The following PDE10A variants were observed in gnomAD, a reference collection of about 807,000 sequenced individuals.
The protein encoded by PDE10A is cAMP and cAMP-inhibited cGMP 3',5'-cyclic phosphodiesterase 10A.
Under a neutral mutation model 97.7 loss-of-function variants are expected in PDE10A, and 39 were observed. The ratio of observed to expected loss-of-function variants is 0.40; its 90% CI spans 0.31 to 0.52. The LOEUF (loss-of-function observed/expected upper bound fraction) is 0.52. Ranked by LOEUF, PDE10A falls within the 20% of genes least tolerant of loss-of-function variation. The pLI, the probability that PDE10A is intolerant of heterozygous loss-of-function variation, is 0.56. For missense variants in PDE10A, 731 were observed against 1,047.8 expected (o/e 0.70, Z 4.17); for synonymous variants, 371 against 376.8 (o/e 0.98, Z 0.18).
At chr6:165,341,544 T>C (rs145310129) in intron 19 of PDE10A, among the ~76,000 whole-genome samples, 1,994 of 152,310 alleles carry the variant, frequency 0.013, 47 homozygotes, top group African/African-American at 0.045. Context: ...TTTGCTCCTG[T>C]TGTCATAGCT....
rs1562687327 is a variant in PDE10A, at chr6:165,691,203, C to CACACACACACACACA, written c.-614-147636_-614-147635insTGTGTGTGTGTGTGT. ...TCTCTCTCTCCCTCTCTCTCTCTCC[C>CACACACACACACACA]CACACACACACACACACACACACAC... On this transcript the variant is annotated intron_variant, in intron 1 of 19. Transcript: ENST00000366882. Among the ~76,000 whole-genome samples the CACACACACACACACA allele has an allele frequency of 3.3e-4, 36 of 108,658 alleles. 3 individuals are homozygous for CACACACACACACACA. The highest frequency in any genetic ancestry group is 1.6e-3 in the African/African-American group (35 of 22,230). The allele number at this position is 108,658 out of a possible 152,430, so 71.3% of individuals were successfully genotyped here.
At chr6:165,975,798 G>A (rs1784828753) in intron 1 of PDE10A, among the ~76,000 whole-genome samples, 2 of 152,308 alleles carry the variant, frequency 1.3e-5, no homozygotes, top group South Asian at 4.1e-4. Flanking sequence ...GAAATATTTG[G>A]TAGTAGGGAC....
chr6:165,501,098 C>T (rs1210253094), intron 2 of PDE10A, among the ~76,000 whole-genome samples: 1 of 152,136 alleles, frequency 6.6e-6, no homozygotes, highest in Non-Finnish European at 1.5e-5. Context: ...AGACCATTGC[C>T]GGCTCGGGTC....
chr6:165,602,387 C>T (rs1787001565), intron 1 of PDE10A, among the ~76,000 whole-genome samples: 1 of 152,188 alleles, frequency 6.6e-6, no homozygotes, highest in African/African-American at 2.4e-5. Context: ...TCCCTTCGGT[C>T]TCTCTCGGGG....
chr6:165,568,028 T>C (rs1784866471), intron 1 of PDE10A, among the ~76,000 whole-genome samples: 1 of 132,284 alleles, frequency 7.6e-6, no homozygotes, highest in Non-Finnish European at 1.5e-5. Context: ...AGACGGAGTC[T>C]CGCTCTGTCG....
intron 15 of PDE10A, among the ~76,000 whole-genome samples, chr6:165,394,965 A>G (rs1199331991): frequency 2.0e-5 from 3 of 152,150 alleles, no homozygotes; most frequent in Non-Finnish European, 4.4e-5. Context: ...GGCTACAACC[A>G]TGTTGCTAGA....
In PDE10A at chr6:165,882,828, G is replaced by A. The variant is rs1583229745; in HGVS notation, c.-615+104701C>T. On this transcript the variant is annotated intron_variant, in intron 1 of 19. Transcript: ENST00000366882. Reference sequence around the variant, plus strand: ...TGGCTATGAAACAATTTCCCAGTGTGTTTCCAGGGCCTCTAGAATTTTTTG... The same window carrying A: ...TGGCTATGAAACAATTTCCCAGTGTATTTCCAGGGCCTCTAGAATTTTTTG... Among the ~76,000 whole-genome samples, 4 of 151,256 alleles carry A rather than the reference G, an allele frequency of 2.6e-5. No homozygotes were observed. The South Asian group carries it at 8.4e-4, about 32-fold the overall frequency.
rs1781267270 is a variant in PDE10A, at chr6:165,330,214, T to C, written c.*2811A>G. On this transcript the variant is annotated 3_prime_UTR_variant, in exon 22 of 22. Coordinates refer to ENST00000539869, the MANE Select transcript of PDE10A (RefSeq NM_001385079.1). ...TGCTCATAGCGGGTTACTAAATTTA[T>C]ACTGGGTGGAAAATTTGGCACAATA... 6.6e-6 allele frequency: 1 copy of C among 152,204 alleles called. No homozygotes were observed. The highest frequency in any genetic ancestry group is 6.5e-5 in the Admixed American group (1 of 15,276). The allele number at this position is 152,204 out of a possible 1,614,324, so 9.4% of individuals were successfully genotyped here.
intron 1 of PDE10A, among the ~76,000 whole-genome samples, chr6:165,779,049 C>T (rs569791780): frequency 6.2e-4 from 95 of 152,234 alleles, no homozygotes; most frequent in African/African-American, 2.1e-3. Flanking sequence ...ACGATAATTT[C>T]TTTTATGGGT....
chr6:165,591,423 G>T (rs1250243672), intron 1 of PDE10A, among the ~76,000 whole-genome samples: 1 of 152,206 alleles, frequency 6.6e-6, no homozygotes, highest in Non-Finnish European at 1.5e-5. Context: ...TAAATTATTT[G>T]TTGGCTTTGC....
At chr6:165,623,881 T>C (rs536671565) in intron 1 of PDE10A, among the ~76,000 whole-genome samples, 2 of 152,316 alleles carry the variant, frequency 1.3e-5, no homozygotes, top group African/African-American at 2.4e-5. Flanking sequence ...ACTCTGAAAG[T>C]CCTCCTTTCT....
At position 165,441,895 on chromosome 6, in the gene PDE10A, A is replaced by C. The variant is rs190420032; in HGVS notation, c.1195-6518T>G. 5.8e-3 allele frequency among the ~76,000 whole-genome samples: 885 copies of C among 152,290 alleles called. 1 individual carries two copies. The highest frequency in any genetic ancestry group is 0.01 in the Non-Finnish European group (711 of 68,022). ...CTGGACTAATAAGTTTTCTATTATCATTTGTATTTAATAGGATAATTTATA... is the reference window on the plus strand; with the variant it reads ...CTGGACTAATAAGTTTTCTATTATCCTTTGTATTTAATAGGATAATTTATA... On this transcript the variant is annotated intron_variant, in intron 5 of 21. Coordinates refer to ENST00000539869, the MANE Select transcript of PDE10A (RefSeq NM_001385079.1).
chr6:165,808,298 G>A (rs1433449985), intron 1 of PDE10A, among the ~76,000 whole-genome samples: 1 of 152,186 alleles, frequency 6.6e-6, no homozygotes, highest in Non-Finnish European at 1.5e-5. Flanking sequence ...CAGTCCCTCT[G>A]GTCCTCCTCC....
At chr6:165,448,780 A>C in intron 5 of PDE10A, 148 bp downstream of exon 5, 1 of 548,916 alleles carries the variant, frequency 1.8e-6, no homozygotes, top group Non-Finnish European at 3.2e-6. Context: ...AAAATTCTTG[A>C]CTGGTAATAA....
At chr6:165,469,818 G>A (rs1778881995) in intron 3 of PDE10A, among the ~76,000 whole-genome samples, 2 of 152,140 alleles carry the variant, frequency 1.3e-5, no homozygotes, top group Non-Finnish European at 1.5e-5. Flanking sequence ...AACAAGATAG[G>A]ATACCTGCCT....
chr6:165,502,082 T>G (rs1428375858), intron 2 of PDE10A, among the ~76,000 whole-genome samples: 1 of 152,226 alleles, frequency 6.6e-6, no homozygotes, highest in Non-Finnish European at 1.5e-5. Flanking sequence ...AAATGGATAT[T>G]CATAAACAAA....
At chr6:165,759,826 G>A (rs1006342771) in intron 1 of PDE10A, among the ~76,000 whole-genome samples, 4 of 150,590 alleles carry the variant, frequency 2.7e-5, no homozygotes, top group African/African-American at 1.0e-4. Context: ...CCTACATGGT[G>A]TATTTTTTTC....
intron 1 of PDE10A, among the ~76,000 whole-genome samples, chr6:165,654,031 C>T (rs1282184154): frequency 6.6e-6 from 1 of 152,152 alleles, no homozygotes; most frequent in African/African-American, 2.4e-5. Flanking sequence ...ACTCTTCCAC[C>T]CTCAAGATAC....
intron 1 of PDE10A, among the ~76,000 whole-genome samples, chr6:165,670,753 A>G (rs1301658227): frequency 1.3e-5 from 2 of 152,188 alleles, no homozygotes; most frequent in Non-Finnish European, 2.9e-5. Flanking sequence ...AGGGGTAAAC[A>G]GGGTTTAAGA....
Sources: gnomAD v4.1 joint callset for allele counts (sites outside exome capture counted in the v4.1 genomes callset) on GRCh38, gnomAD v4.1.1 for gene constraint, MANE v1.5 for transcripts, NCBI Gene and HGNC (gene_info 2026-07-23, HGNC 2026-07-21) for gene names.